Variants in TNKS1BP1 observed in about 807,000 individuals in gnomAD.
TNKS1BP1 encodes CCR4-NOT transcription complex subunit 12.
TNKS1BP1 carries 48 observed loss-of-function variants against 141.1 expected under a neutral mutation model. The ratio of observed to expected loss-of-function variants is 0.34; its 90% CI spans 0.27 to 0.43. TNKS1BP1 has a LOEUF of 0.43. Among genes scored for constraint, TNKS1BP1 ranks in the 20% least tolerant of loss-of-function variants. The probability of loss-of-function intolerance (pLI) is 1.00; values close to 1 mark genes in which losing one functional copy is unlikely to be tolerated. For missense variants in TNKS1BP1, 2,149 were observed against 2,226.0 expected (o/e 0.97, Z 0.70); for synonymous variants, 875 against 898.2 (o/e 0.97, Z 0.46).
chr11:57,308,377 TG>T lies in TNKS1BP1; in HGVS notation c.4316+17del. ...CACATGTTCCCTCCCACACTTGGGA[TG>T]GGGCTCCGTTCATTACCTTGCTCCG... On this transcript the variant is annotated intron_variant, in intron 6 of 11. Coordinates refer to ENST00000358252, the MANE Select transcript of TNKS1BP1 (RefSeq NM_033396.3). 6.3e-7 allele frequency: 1 copy of T among 1,596,140 alleles called. No homozygotes were observed. Among genetic ancestry groups the T allele is most frequent in the Non-Finnish European group, 8.6e-7 (1 of 1,167,958 alleles).
Position 57,302,131 on chromosome 11 carries a change from T to C in TNKS1BP1, c.4777A>G (p.Thr1593Ala). Residue 1593 changes from threonine (T) to alanine (A), a missense_variant, in exon 8 of 12, where the codon ACC becomes GCC. By Grantham distance (58) the Thr-to-Ala change is moderately conservative. Coordinates refer to ENST00000358252, the MANE Select transcript of TNKS1BP1 (RefSeq NM_033396.3). The surrounding 1 kb of genome is among the most constrained non-coding windows in gnomAD (Gnocchi z 5.5). Reference protein sequence around the residue: ...HRAPVIRPGGTLGLSEAADSD... With the variant: ...HRAPVIRPGGALGLSEAADSD... ...TCTGCTGCCTCCGACAGGCCCAAGGTACCCCCAGGCCGAATGACCGGGGCC... is the reference window on the plus strand; with the variant it reads ...TCTGCTGCCTCCGACAGGCCCAAGGCACCCCCAGGCCGAATGACCGGGGCC... 6.2e-7 allele frequency: 1 copy of C among 1,613,840 alleles called. No homozygotes were observed. The highest frequency in any genetic ancestry group is 1.7e-5 in the Admixed American group (1 of 60,012).
intron 2 of TNKS1BP1, 48 bp downstream of exon 2, chr11:57,321,744 T>TG: frequency 1.1e-4 from 113 of 1,039,758 alleles, no homozygotes; most frequent in Middle Eastern, 2.3e-4. Flanking sequence ...CCTCTGTCCT[T>TG]CCCACCCCCC....
chr11:57,313,604 G>A lies in TNKS1BP1; in HGVS notation c.1084C>T (p.Pro362Ser), dbSNP rs770065618. The change falls in exon 5 of 12, where the codon CCA becomes TCA. Residue 362 changes from proline to serine, a missense_variant. Transcript: ENST00000358252. Reference sequence around the variant, plus strand: ...GGGCTGCTGGGTCTGGGGGCCTCTGGAGCCCCCTCGGCAGGGAGCCCCGGG... The same window carrying A: ...GGGCTGCTGGGTCTGGGGGCCTCTGAAGCCCCCTCGGCAGGGAGCCCCGGG... Reference protein sequence around the residue: ...PSPGLPAEGAPEAPRPSSPPP... With the variant: ...PSPGLPAEGASEAPRPSSPPP... 174 of 1,594,550 alleles carry A rather than the reference G, an allele frequency of 1.1e-4. No individual in the cohort carries two copies. Among genetic ancestry groups the A allele is most frequent in the Non-Finnish European group, 1.4e-4 (168 of 1,171,132 alleles).
rs762392374 is a variant in TNKS1BP1, at chr11:57,302,432, A to G, written c.4683+27T>C. ...CTCGCTGCATCGCCCTCACCCACCC[A>G]CTGTCATGGGCTCACCCTCCACTGA... is the stretch of plus-strand genomic sequence containing the variant. On this transcript the variant is annotated intron_variant, in intron 7 of 11. Transcript: ENST00000358252. The surrounding 1 kb of genome is among the most constrained non-coding windows in gnomAD (Gnocchi z 5.5). 1.3e-6 allele frequency: 2 copies of G among 1,562,584 alleles called. No individual in the cohort carries two copies. The highest frequency in any genetic ancestry group is 1.7e-6 in the Non-Finnish European group (2 of 1,149,044).
intron 5 of TNKS1BP1, among the ~76,000 whole-genome samples, chr11:57,311,863 C>G (rs1357920898): frequency 1.3e-5 from 2 of 152,262 alleles, no homozygotes; most frequent in Non-Finnish European, 2.9e-5. Context: ...GTCTACAAAG[C>G]AGGTCTGGAG....
At position 57,302,811 on chromosome 11, in the gene TNKS1BP1, G is replaced by A. The variant is rs758522769; in HGVS notation, c.4331C>T (p.Pro1444Leu). Residue 1444 changes from proline to leucine, a missense_variant, in exon 7 of 12, where the codon CCG (proline) becomes CTG (leucine). Transcript: ENST00000358252. The surrounding 1 kb of genome is among the most constrained non-coding windows in gnomAD (Gnocchi z 5.5). Reference protein sequence around the residue: ...LSFGASPGRCPARPPPSGSQG... With the variant: ...LSFGASPGRCLARPPPSGSQG... ...GGAGCCGGAGGGTGGGGGGCGGGCC[G>A]GGCACCTGCCAGGGCTGTAAAGGGG... 49 of 1,538,170 alleles carry A rather than the reference G, an allele frequency of 3.2e-5. 1 individual carries two copies. Among genetic ancestry groups the A allele is most frequent in the South Asian group, 1.5e-4 (12 of 82,450 alleles).
Position 57,313,248 on chromosome 11 carries a change from G to C in TNKS1BP1, c.1440C>G (p.Phe480Leu), listed in dbSNP as rs749369671. Residue 480 changes from phenylalanine (F) to leucine (L), a missense_variant, in exon 5 of 12, where the codon TTC becomes TTG. Physicochemically the swap from Phe to Leu is conservative, Grantham distance 22. Transcript: ENST00000358252. The part of the protein sequence containing the change: ...WSLSQSFEWT[F>L]PTRPSGLGVW... The stretch of plus-strand genomic sequence containing the variant: ...CGCCCAGACCCGAGGGCCTCGTGGG[G>C]AAGGTCCATTCGAAGGACTGTGATA... 5.6e-6 allele frequency: 9 copies of C among 1,612,806 alleles called. No individual in the cohort carries two copies. The highest frequency in any genetic ancestry group is 7.6e-6 in the Non-Finnish European group (9 of 1,180,018).
chr11:57,309,514 G>C lies in TNKS1BP1; in HGVS notation c.3197C>G (p.Ala1066Gly), dbSNP rs1475828693. ...EVGGHQERQQ[A>G]GAQGPGSADL... is the part of the protein sequence containing the mutation. ...AGCACTGCCAGGGCCCTGAGCCCCT[G>C]CCTGCTGTCTCTCCTGATGCCCTCC... is the stretch of plus-strand genomic sequence containing the variant. The change falls in exon 6 of 12, where the codon GCA becomes GGA. Residue 1066 changes from alanine (A) to glycine (G), a missense_variant. By Grantham distance (60) the Ala-to-Gly change is moderately conservative. Transcript: ENST00000358252. This position sits in a 1 kb window ranked among gnomAD's most constrained non-coding sequence, Gnocchi z 4.3. 3 of 1,613,696 alleles carry C rather than the reference G, an allele frequency of 1.9e-6. No individual in the cohort carries two copies. The South Asian group carries it at 3.3e-5, about 18-fold the overall frequency.
At chr11:57,319,881 A>G (rs1855855104) in intron 3 of TNKS1BP1, among the ~76,000 whole-genome samples, 198 bp downstream of exon 3, 1 of 152,188 alleles carries the variant, frequency 6.6e-6, no homozygotes, top group Non-Finnish European at 1.5e-5. Flanking sequence ...TTAAAAGCAT[A>G]CAGTAATGAT....
In TNKS1BP1 at chr11:57,308,511, C is replaced by A; in HGVS notation, c.4200G>T (p.Gly1400=). 1 of 1,614,176 alleles carries A rather than the reference C, an allele frequency of 6.2e-7. No individual in the cohort carries two copies. Among genetic ancestry groups the A allele is most frequent in the South Asian group, 1.1e-5 (1 of 91,086 alleles). The part of the protein sequence containing the change: ...ARDPLEAREL[G]VGETSGPETQ... Reference sequence around the variant, plus strand: ...TCTCTGGCCCACTTGTCTCACCAACCCCCAGCTCCCTGGCCTCCAAGGGGT... The same window carrying A: ...TCTCTGGCCCACTTGTCTCACCAACACCCAGCTCCCTGGCCTCCAAGGGGT... The change falls in exon 6 of 12, where the codon GGG becomes GGT. Residue 1400 remains glycine (G), a synonymous_variant. Transcript: ENST00000358252.
rs768710458 is a variant in TNKS1BP1 at position 57,312,514 on chromosome 11, C to T, written c.2154+20G>A. 5 of 1,429,812 alleles carry T rather than the reference C, an allele frequency of 3.5e-6. No homozygotes were observed. The highest frequency in any genetic ancestry group is 2.7e-5 in the Admixed American group (1 of 37,396). The allele number at this position is 1,429,812 out of a possible 1,614,324, so 88.6% of individuals were successfully genotyped here. ...GGCCTCTGTCCCCAGAAGTCCCATT[C>T]TCCCTATGCCCATTCTCACCTCAGA... On this transcript the variant is annotated intron_variant, in intron 5 of 11. Transcript: ENST00000358252.
chr11:57,311,570 C>A (rs1855713040), intron 5 of TNKS1BP1: 1 of 570,536 alleles, frequency 1.8e-6, no homozygotes, highest in South Asian at 7.6e-5. Context: ...GGGACAGACA[C>A]ACCTACTACA....
chr11:57,322,157 C>A (rs1238172012), intron 1 of TNKS1BP1: 1 of 1,100,792 alleles, frequency 9.1e-7, no homozygotes, highest in Non-Finnish European at 1.2e-6. Context: ...ACTCTTATCT[C>A]CTAACCCCAA....
chr11:57,302,019 T>C lies in TNKS1BP1; in HGVS notation c.4834+55A>G. On this transcript the variant is annotated intron_variant, in intron 8 of 11. Transcript: ENST00000358252. This position sits in a 1 kb window ranked among gnomAD's most constrained non-coding sequence, Gnocchi z 5.5. ...CCGAACCCATAACCCCTGCAAAAGC[T>C]TGGCCTAATGCCCTAGAGATCAAGA... 6.2e-7 allele frequency: 1 copy of C among 1,604,356 alleles called. No individual in the cohort carries two copies. The highest frequency in any genetic ancestry group is 8.5e-7 in the Non-Finnish European group (1 of 1,172,190).
rs765904442 is a variant in TNKS1BP1, at chr11:57,309,101, T to A, written c.3610A>T (p.Asn1204Tyr). ...CCACTTTCCAAACAGCCGGTCAGGT[T>A]CATGTCTCTCAAGCTCAGGCCACCT... Reference protein sequence around the residue: ...WSGGLSLRDMNLTGCLESGGS... With the variant: ...WSGGLSLRDMYLTGCLESGGS... The change falls in exon 6 of 12, where the codon AAC (asparagine) becomes TAC (tyrosine). Residue 1204 changes from asparagine (N) to tyrosine (Y), a missense_variant. Transcript: ENST00000358252. This position sits in a 1 kb window ranked among gnomAD's most constrained non-coding sequence, Gnocchi z 4.3. 3.7e-6 allele frequency: 6 copies of A among 1,614,014 alleles called. No homozygotes were observed. In the East Asian group the frequency reaches 1.3e-4, roughly 36 times the overall value.
At chr11:57,305,705 C>T (rs912292379) in intron 6 of TNKS1BP1, among the ~76,000 whole-genome samples, 3 of 152,178 alleles carry the variant, frequency 2.0e-5, no homozygotes, top group African/African-American at 7.2e-5. Flanking sequence ...CCGTGGGAAC[C>T]GGTGCAAGTC....
Position 57,309,189 on chromosome 11 carries a change from G to A in TNKS1BP1, c.3522C>T (p.Ser1174=). 6.2e-7 allele frequency: 1 copy of A among 1,614,136 alleles called. No homozygotes were observed. Among genetic ancestry groups the A allele is most frequent in the Non-Finnish European group, 8.5e-7 (1 of 1,180,032 alleles). The change falls in exon 6 of 12, where the codon AGC becomes AGT. Residue 1174 remains serine (S), a synonymous_variant. Transcript: ENST00000358252. This position sits in a 1 kb window ranked among gnomAD's most constrained non-coding sequence, Gnocchi z 4.3. ...CGCTCGAGCCCCCAGAACCCACACA[G>A]CTGGACACTTCCAAGTTCCTGAGAC... ...QLGLRNLEVS[S]CVGSGGSSEA...
At position 57,308,512 on chromosome 11, in the gene TNKS1BP1, C is replaced by G. The variant is rs752766713; in HGVS notation, c.4199G>C (p.Gly1400Ala). 35 of 1,614,056 alleles carry G rather than the reference C, an allele frequency of 2.2e-5. No individual in the cohort carries two copies. Among genetic ancestry groups the G allele is most frequent in the South Asian group, 2.0e-4 (18 of 91,084 alleles). Residue 1400 changes from glycine to alanine, a missense_variant, in exon 6 of 12, where the codon GGG (glycine) becomes GCG (alanine). Gly to Ala is a moderately conservative substitution (Grantham distance 60, BLOSUM62 0). Coordinates refer to ENST00000358252, the MANE Select transcript of TNKS1BP1 (RefSeq NM_033396.3). ...ARDPLEAREL[G>A]VGETSGPETQ... ...CTCTGGCCCACTTGTCTCACCAACC[C>G]CCAGCTCCCTGGCCTCCAAGGGGTC...
At chr11:57,304,423 T>TG (rs1855576203) in intron 6 of TNKS1BP1, among the ~76,000 whole-genome samples, 2 of 152,114 alleles carry the variant, frequency 1.3e-5, no homozygotes, top group Admixed American at 6.5e-5. Context: ...CAGCCCTGGC[T>TG]GGGGGCCAAA....
Sources: gnomAD v4.1 joint callset for allele counts (sites outside exome capture counted in the v4.1 genomes callset) on GRCh38, gnomAD v4.1.1 for gene constraint, Gnocchi (gnomAD v3.1) non-coding constraint, MANE v1.5 for transcripts, NCBI Gene and HGNC (gene_info 2026-07-23, HGNC 2026-07-21) for gene names.